CLRN1: variants seen among roughly 807,000 people sequenced by gnomAD.
The protein encoded by CLRN1 is clarin-1.
CLRN1 carries 15 observed loss-of-function variants against 18.7 expected under a neutral mutation model. The ratio of observed to expected loss-of-function variants is 0.80; its 90% CI spans 0.54 to 1.23. The LOEUF is 1.23. Among genes scored for constraint, CLRN1 ranks in the 50% most tolerant of loss-of-function variants. The pLI, the probability that CLRN1 is intolerant of heterozygous loss-of-function variation, is 0.00. For missense variants in CLRN1, 311 were observed against 277.5 expected (o/e 1.12, Z -0.86); for synonymous variants, 104 against 102.9 (o/e 1.01, Z -0.07).
rs558685809 is a variant in CLRN1 at position 150,969,396 on chromosome 3, G to A, written c.253+3060C>T. Among the ~76,000 whole-genome samples, 335 of 129,784 alleles carry A rather than the reference G, an allele frequency of 2.6e-3. 2 individuals carry two copies. Among genetic ancestry groups the A allele is most frequent in the Middle Eastern group, 5.5e-3 (1 of 182 alleles). The allele number at this position is 129,784 out of a possible 152,430, so 85.1% of individuals were successfully genotyped here. A position where few individuals can be genotyped will look rare whatever the true frequency, so the allele number is the denominator to read the frequency against. On this transcript the variant is annotated intron_variant, in intron 1 of 2. Coordinates refer to ENST00000327047, the MANE Select transcript of CLRN1 (RefSeq NM_174878.3). Reference sequence around the variant, plus strand: ...GGCTGGAGTGCAGTGGCGAGATCTCGGCTCACTGCAAGCTCCACCTCCCGG... The same window carrying A: ...GGCTGGAGTGCAGTGGCGAGATCTCAGCTCACTGCAAGCTCCACCTCCCGG...
At chr3:150,952,595 C>G (rs1714549543) in intron 1 of CLRN1, among the ~76,000 whole-genome samples, 1 of 152,210 alleles carries the variant, frequency 6.6e-6, no homozygotes, top group African/African-American at 2.4e-5. Context: ...CTCCCTTACA[C>G]TCAGTCAGCT....
intron 2 of CLRN1, among the ~76,000 whole-genome samples, chr3:150,935,681 A>C (rs551254085): frequency 1.3e-5 from 2 of 151,472 alleles, no homozygotes; most frequent in Non-Finnish European, 2.9e-5. Flanking sequence ...GGCTGGGTCA[A>C]ATGGTATTTC....
chr3:150,972,919 G>T (rs756160159), upstream of CLRN1: 1 of 696,954 alleles, frequency 1.4e-6, no homozygotes, highest in South Asian at 1.5e-5. Context: ...CTCCTTTTCT[G>T]CTGCTTCTTC....
intron 1 of CLRN1, among the ~76,000 whole-genome samples, chr3:150,962,619 G>C (rs952560009): frequency 6.6e-6 from 1 of 152,120 alleles, no homozygotes; most frequent in African/African-American, 2.4e-5. Context: ...GAAAGAGTCT[G>C]CCATTTTGTT....
At chr3:150,929,225 G>C (rs1559977123) in intron 2 of CLRN1, among the ~76,000 whole-genome samples, 1 of 152,178 alleles carries the variant, frequency 6.6e-6, no homozygotes, top group African/African-American at 2.4e-5. Flanking sequence ...TGAGATTGCT[G>C]TGGGACAGGG....
intron 1 of CLRN1, chr3:150,944,089 G>A: frequency 1.7e-6 from 1 of 603,232 alleles, no homozygotes; most frequent in Non-Finnish European, 2.9e-6. Flanking sequence ...GGATGGGCAT[G>A]GTCAGGAAAG....
upstream of CLRN1, chr3:150,972,978 A>G (rs1263252123): frequency 5.4e-6 from 3 of 557,728 alleles, no homozygotes; most frequent in Admixed American, 2.6e-5. Flanking sequence ...CAAGTCTTTC[A>G]AACTGCCTTC....
At chr3:150,947,447 A>G (rs1440006993) in intron 1 of CLRN1, among the ~76,000 whole-genome samples, 1 of 152,236 alleles carries the variant, frequency 6.6e-6, no homozygotes, top group Non-Finnish European at 1.5e-5. Context: ...AGACTCCCAC[A>G]CAATAGTAGT....
chr3:150,931,196 T>G (rs376958744), intron 2 of CLRN1, among the ~76,000 whole-genome samples: 19 of 152,368 alleles, frequency 1.2e-4, no homozygotes, highest in African/African-American at 3.4e-4. Flanking sequence ...TTATGACTTA[T>G]GGACCAAAAG....
At chr3:150,970,986 A>T (rs1388043736) in intron 1 of CLRN1, among the ~76,000 whole-genome samples, 1 of 152,252 alleles carries the variant, frequency 6.6e-6, no homozygotes, top group East Asian at 1.9e-4. Flanking sequence ...GTCCTATGGC[A>T]TGAGTAAAGT....
At chr3:150,940,157 T>C (rs1219373852) in intron 2 of CLRN1, among the ~76,000 whole-genome samples, 3 of 152,228 alleles carry the variant, frequency 2.0e-5, no homozygotes, top group Non-Finnish European at 2.9e-5. Context: ...TACAAAGATG[T>C]AAAAGGCTTA....
intron 1 of CLRN1, among the ~76,000 whole-genome samples, chr3:150,965,139 G>A (rs1440408712): frequency 6.6e-6 from 1 of 151,964 alleles, no homozygotes; most frequent in Non-Finnish European, 1.5e-5. Flanking sequence ...ATTCTAAGGG[G>A]GCAAAATGTA....
chr3:150,963,373 C>G (rs1322544230), intron 1 of CLRN1, among the ~76,000 whole-genome samples: 1 of 152,110 alleles, frequency 6.6e-6, no homozygotes, highest in Non-Finnish European at 1.5e-5. Flanking sequence ...TGATGGACCT[C>G]TTCAAGGAGA....
intron 1 of CLRN1, among the ~76,000 whole-genome samples, chr3:150,943,172 G>A (rs1257019124): frequency 6.6e-6 from 1 of 152,290 alleles, no homozygotes; most frequent in East Asian, 1.9e-4. Flanking sequence ...CAGAAGTGTA[G>A]AAATTTTAGG....
At chr3:150,963,716 T>TACAGA (rs1715136339) in intron 1 of CLRN1, among the ~76,000 whole-genome samples, 1 of 152,018 alleles carries the variant, frequency 6.6e-6, no homozygotes, top group Admixed American at 6.6e-5. Context: ...TCAAAACAGA[T>TACAGA]ACAGAGACCA....
At chr3:150,934,892 C>T (rs1233549868) in intron 2 of CLRN1, among the ~76,000 whole-genome samples, 4 of 151,990 alleles carry the variant, frequency 2.6e-5, no homozygotes, top group Admixed American at 2.6e-4. Flanking sequence ...ACCCCCTTTT[C>T]CCTATTCTGC....
intron 2 of CLRN1, among the ~76,000 whole-genome samples, chr3:150,931,642 C>T (rs1006206183): frequency 6.6e-6 from 1 of 152,176 alleles, no homozygotes; most frequent in South Asian, 2.1e-4. Flanking sequence ...TGTCCACACA[C>T]CTATGCTTGA....
intron 1 of CLRN1, among the ~76,000 whole-genome samples, chr3:150,954,501 G>A (rs536480938): frequency 6.6e-6 from 1 of 152,222 alleles, no homozygotes; most frequent in South Asian, 2.1e-4. Flanking sequence ...AAGTCTTTAT[G>A]CATGCTGGAT....
chr3:150,931,837 T>C (rs900464958), intron 2 of CLRN1, among the ~76,000 whole-genome samples: 2 of 152,142 alleles, frequency 1.3e-5, no homozygotes, highest in African/African-American at 4.8e-5. Context: ...TCCTTATGTG[T>C]CTGTCTATCT....
Sources: allele counts gnomAD v4.1 joint callset (sites outside exome capture counted in the v4.1 genomes callset), GRCh38; gene constraint gnomAD v4.1.1; transcripts MANE v1.5; gene names NCBI Gene and HGNC (gene_info 2026-07-23, HGNC 2026-07-21).